OCLN: variants seen among roughly 807,000 people sequenced by gnomAD.
OCLN encodes the protein phosphatase 1, regulatory subunit 115.
A neutral mutation model predicts 47.9 loss-of-function variants in OCLN; 21 were observed. That is an observed-to-expected ratio of 0.44 (90% CI 0.31 to 0.63). The LOEUF is 0.63. OCLN is among the 30% of genes least tolerant of loss of function. The probability of loss-of-function intolerance (pLI) is 0.08; values close to 1 mark genes in which losing one functional copy is unlikely to be tolerated. For missense variants in OCLN, 360 were observed against 571.0 expected, an observed-to-expected ratio of 0.63 and a Z score of 3.77; for synonymous variants, 117 against 198.4, an observed-to-expected ratio of 0.59 and a Z score of 3.45.
At chr5:69,546,599 TC>T (rs1769718431) in intron 6 of OCLN, among the ~76,000 whole-genome samples, 2 of 134,506 alleles carry the variant, frequency 1.5e-5, no homozygotes, top group Non-Finnish European at 3.2e-5. Context: ...TGCCTCAGCC[TC>T]CCGAAGAGCT....
At chr5:69,534,012 C>T (rs895775089) in intron 4 of OCLN, among the ~76,000 whole-genome samples, 2 of 151,362 alleles carry the variant, frequency 1.3e-5, no homozygotes, top group Non-Finnish European at 2.9e-5. Context: ...AATTCACTTA[C>T]ACATCAGAAT....
chr5:69,496,133 C>T (rs1357908302), intron 1 of OCLN, among the ~76,000 whole-genome samples: 1 of 150,564 alleles, frequency 6.6e-6, no homozygotes, highest in Non-Finnish European at 1.5e-5. Context: ...CAGAGTCTCG[C>T]TGTCTCCCAG....
intron 4 of OCLN, among the ~76,000 whole-genome samples, chr5:69,514,490 AAG>A (rs927479097): frequency 2.2e-4 from 33 of 152,208 alleles, no homozygotes; most frequent in African/African-American, 7.7e-4. Flanking sequence ...CAAGATTGGC[AAG>A]AGTGTTTTTG....
At chr5:69,520,039 G>A (rs1022764561) in intron 4 of OCLN, among the ~76,000 whole-genome samples, 1 of 151,934 alleles carries the variant, frequency 6.6e-6, no homozygotes, top group East Asian at 1.9e-4. Flanking sequence ...GCTCATTGCA[G>A]CCTCCCGCTT....
intron 3 of OCLN, among the ~76,000 whole-genome samples, chr5:69,510,886 A>G (rs1037483032): frequency 5.9e-5 from 9 of 152,066 alleles, no homozygotes; most frequent in South Asian, 2.1e-4. Flanking sequence ...GAAAGTTCCA[A>G]TTTCTCCACA....
At chr5:69,548,918 G>A (rs948728465) in intron 7 of OCLN, among the ~76,000 whole-genome samples, 8 of 150,690 alleles carry the variant, frequency 5.3e-5, no homozygotes, top group South Asian at 2.1e-4. Flanking sequence ...CCAAGATTGC[G>A]CCATTGCACT....
At chr5:69,536,002 G>A (rs1769574177) in intron 5 of OCLN, among the ~76,000 whole-genome samples, 1 of 152,220 alleles carries the variant, frequency 6.6e-6, no homozygotes, top group African/African-American at 2.4e-5. Context: ...TGTAATCCCA[G>A]CTACTTGGGA....
chr5:69,525,097 CTTTCT>C (rs1323201498), intron 4 of OCLN, among the ~76,000 whole-genome samples: 3 of 151,800 alleles, frequency 2.0e-5, no homozygotes, highest in Non-Finnish European at 2.9e-5. Context: ...GTGTACATTT[CTTTCT>C]TTTCTTTTCT....
At chr5:69,511,765 C>A (rs894363505) in intron 3 of OCLN, among the ~76,000 whole-genome samples, 5 of 152,084 alleles carry the variant, frequency 3.3e-5, no homozygotes, top group African/African-American at 1.2e-4. Context: ...TAGCTCACGC[C>A]TGTAATCCCA....
At chr5:69,533,013 G>GTGTGCA (rs746179248) in intron 4 of OCLN, among the ~76,000 whole-genome samples, 2 of 122,966 alleles carry the variant, frequency 1.6e-5, no homozygotes, top group South Asian at 2.5e-4. Context: ...GTGTGTGTGT[G>GTGTGCA]TGTGTGTGTG....
intron 1 of OCLN, among the ~76,000 whole-genome samples, chr5:69,494,382 T>C (rs964602051): frequency 1.3e-5 from 2 of 152,196 alleles, no homozygotes; most frequent in Non-Finnish European, 2.9e-5. Context: ...AGACAGGGTT[T>C]TGCCATTTGG....
In OCLN at chr5:69,515,858, G is replaced by A. The variant is rs572743153; in HGVS notation, c.891+1749G>A. The stretch of plus-strand genomic sequence containing the variant: ...TAGAGGCGCTCCTCACATCCCAGAC[G>A]GGGTGGCGGGGCAGAGGCGCTCCCC... On this transcript the variant is annotated intron_variant, in intron 4 of 8. Coordinates refer to ENST00000396442, the MANE Select transcript of OCLN (RefSeq NM_001205254.2). Among the ~76,000 whole-genome samples the A allele has an allele frequency of 5.9e-5, 9 of 151,682 alleles. No individual in the cohort carries two copies. In the South Asian group the frequency reaches 1.7e-3, roughly 28 times the overall value.
intron 4 of OCLN, among the ~76,000 whole-genome samples, chr5:69,530,885 A>G (rs1283737610): frequency 6.6e-6 from 1 of 152,216 alleles, no homozygotes; most frequent in African/African-American, 2.4e-5. Flanking sequence ...TAGAAATAGA[A>G]CAGTTATCAA....
chr5:69,513,341 CAG>C (rs1162244237), intron 3 of OCLN, among the ~76,000 whole-genome samples: 1 of 152,196 alleles, frequency 6.6e-6, no homozygotes, highest in Non-Finnish European at 1.5e-5. Flanking sequence ...ACTCCTGAAA[CAG>C]AGAAACCTGC....
At chr5:69,549,263 C>T (rs256919) in intron 7 of OCLN, among the ~76,000 whole-genome samples, 10 of 118,924 alleles carry the variant, frequency 8.4e-5, no homozygotes, top group Admixed American at 5.5e-4. Flanking sequence ...ATGGTGTGAA[C>T]CCAGGAGGCG....
intron 4 of OCLN, among the ~76,000 whole-genome samples, chr5:69,520,013 C>T (rs1014423620): frequency 3.3e-5 from 5 of 152,290 alleles, no homozygotes; most frequent in East Asian, 1.9e-4. Flanking sequence ...GGCTGGAGTG[C>T]GATGGCACGA....
At position 69,532,999 on chromosome 5, in the gene OCLN, ATGTGTGTG is replaced by A. The variant is rs373564373; in HGVS notation, c.892-1677_892-1670del. ...AATATATATATATATGTATGCATGT[ATGTGTGTG>A]TGTGTGTGTGTGTGTGTATACACAC... On this transcript the variant is annotated intron_variant, in intron 4 of 8. Transcript: ENST00000396442. Among the ~76,000 whole-genome samples, 171 of 137,618 alleles carry A rather than the reference ATGTGTGTG, an allele frequency of 1.2e-3. 2 individuals are homozygous for A. The highest frequency in any genetic ancestry group is 4.1e-3 in the African/African-American group (149 of 36,746). The allele number at this position is 137,618 out of a possible 152,430, so 90.3% of individuals were successfully genotyped here.
At chr5:69,536,694 C>T (rs1580588610) in intron 5 of OCLN, among the ~76,000 whole-genome samples, 2 of 150,922 alleles carry the variant, frequency 1.3e-5, no homozygotes, top group African/African-American at 2.4e-5. Flanking sequence ...AAAGGCCGGA[C>T]GCGGTGGCTC....
At chr5:69,499,627 C>G (rs1367878360) in intron 1 of OCLN, among the ~76,000 whole-genome samples, 1 of 152,030 alleles carries the variant, frequency 6.6e-6, no homozygotes, top group Non-Finnish European at 1.5e-5. Flanking sequence ...GCTCCGTCGC[C>G]AGGCTGGAGT....
Sources: allele counts gnomAD v4.1 joint callset (sites outside exome capture counted in the v4.1 genomes callset), GRCh38; gene constraint gnomAD v4.1.1; transcripts MANE v1.5; gene names NCBI Gene and HGNC (gene_info 2026-07-23, HGNC 2026-07-21).